The following RIMKLB variants were observed in gnomAD, a reference collection of about 807,000 sequenced individuals.
RIMKLB encodes the protein ribosomal modification protein rimK like family member B.
A neutral mutation model predicts 32.0 loss-of-function variants in RIMKLB; 7 were observed. The ratio of observed to expected loss-of-function variants is 0.22; its 90% CI spans 0.12 to 0.41. The LOEUF is 0.41. Ranked by LOEUF, RIMKLB falls within the 10% of genes least tolerant of loss-of-function variation. The pLI is 1.00. For synonymous variants in RIMKLB, 172 were observed against 185.1 expected, an observed-to-expected ratio of 0.93 and a Z score of 0.57; for missense variants, 289 against 498.7, an observed-to-expected ratio of 0.58 and a Z score of 4.00.
chr12:8,707,097 A>G (rs905009231), intron 1 of RIMKLB, among the ~76,000 whole-genome samples: 3 of 152,126 alleles, frequency 2.0e-5, no homozygotes, highest in Non-Finnish European at 4.4e-5. Flanking sequence ...AGCAACACCA[A>G]TCAACACAGA....
At chr12:8,758,252 A>G (rs780695537) in intron 5 of RIMKLB, among the ~76,000 whole-genome samples, 1 of 147,438 alleles carries the variant, frequency 6.8e-6, no homozygotes, top group Non-Finnish European at 1.5e-5. Context: ...TTTTGTATTG[A>G]TCTGCAGGCT....
At chr12:8,746,590 C>G (rs1262691032) in intron 2 of RIMKLB, among the ~76,000 whole-genome samples, 4 of 143,790 alleles carry the variant, frequency 2.8e-5, no homozygotes, top group Non-Finnish European at 1.5e-5. Context: ...AGAGTTGAGA[C>G]TCTGTCTCAA....
upstream of RIMKLB, among the ~76,000 whole-genome samples, chr12:8,694,510 C>T (rs1942831462): frequency 6.7e-6 from 1 of 148,440 alleles, no homozygotes; most frequent in South Asian, 2.1e-4. Flanking sequence ...TCTCCTGCTT[C>T]AGCCTCCCCA....
At chr12:8,767,689 A>G (rs766538786) in intron 5 of RIMKLB, among the ~76,000 whole-genome samples, 9 of 152,316 alleles carry the variant, frequency 5.9e-5, no homozygotes, top group Non-Finnish European at 1.2e-4. Flanking sequence ...TTCTGCTTCT[A>G]GTCGGCCCTC....
chr12:8,715,088 G>A (rs193124700), intron 2 of RIMKLB, among the ~76,000 whole-genome samples: 3 of 152,130 alleles, frequency 2.0e-5, no homozygotes, highest in East Asian at 1.9e-4. Flanking sequence ...ATCACACTAA[G>A]TATAATCTCT....
chr12:8,684,275 C>T (rs374479523), intron 1 of RIMKLB, among the ~76,000 whole-genome samples: 10 of 151,672 alleles, frequency 6.6e-5, no homozygotes, highest in East Asian at 1.9e-4. Context: ...CCGGTTCAAG[C>T]GATTCTCCTT....
intron 1 of RIMKLB, among the ~76,000 whole-genome samples, chr12:8,709,987 TTTTTG>T (rs968657268): frequency 6.6e-5 from 10 of 151,956 alleles, no homozygotes; most frequent in Middle Eastern, 3.2e-3. Context: ...AAAAATGTGG[TTTTTG>T]TTTTGTTTTG....
chr12:8,706,753 C>CT (rs1240809747), intron 1 of RIMKLB, among the ~76,000 whole-genome samples: 2 of 152,104 alleles, frequency 1.3e-5, no homozygotes, highest in African/African-American at 4.8e-5. Flanking sequence ...CATGCCTGTC[C>CT]TTTTTTTGTT....
chr12:8,756,153 C>CA (rs1233371130), intron 5 of RIMKLB, among the ~76,000 whole-genome samples: 25,782 of 114,056 alleles, frequency 0.23, 2,996 homozygotes, highest in Middle Eastern at 0.33. Flanking sequence ...GACTCTGCCT[C>CA]AAAAAAAAAA....
intron 2 of RIMKLB, among the ~76,000 whole-genome samples, chr12:8,727,137 G>GTA (rs1276613458): frequency 6.6e-6 from 1 of 152,188 alleles, no homozygotes; most frequent in Non-Finnish European, 1.5e-5. Flanking sequence ...ATATGTAACT[G>GTA]TATGTGTGTG....
Position 8,774,876 on chromosome 12 carries a change from GTGTA to G in RIMKLB, c.*1096_*1099del. 1.0e-6 allele frequency: 1 copy of G among 985,622 alleles called. No individual in the cohort carries two copies. Among genetic ancestry groups the G allele is most frequent in the Non-Finnish European group, 1.2e-6 (1 of 829,814 alleles). The allele number at this position is 985,622 out of a possible 1,614,324, so 61.1% of individuals were successfully genotyped here. On this transcript the variant is annotated 3_prime_UTR_variant, in exon 6 of 6. Transcript: ENST00000535829. ...TTTCACATTTTACGAGGGAGTATAT[GTGTA>G]TGTGTGTGCACGCATGCATGTGTAT...
chr12:8,715,228 C>CCTTTTTTTTTTTTTTTT (rs1445737752), intron 2 of RIMKLB, among the ~76,000 whole-genome samples: 6 of 123,756 alleles, frequency 4.8e-5, no homozygotes, highest in African/African-American at 2.0e-4. Flanking sequence ...TGCTCTTGTT[C>CCTTTTTTTTTTTTTTTT]TTTTTTTTTT....
At chr12:8,742,832 T>G (rs1399544107) in intron 2 of RIMKLB, 3 of 193,000 alleles carry the variant, frequency 1.6e-5, no homozygotes, top group Non-Finnish European at 3.2e-5. Context: ...CCACCAACCT[T>G]TCACAGAGAC....
chr12:8,746,373 C>T (rs1304475083), intron 2 of RIMKLB, among the ~76,000 whole-genome samples: 2 of 151,458 alleles, frequency 1.3e-5, no homozygotes, highest in African/African-American at 4.9e-5. Context: ...CTGAGGTGTG[C>T]AGATCACCTG....
chr12:8,750,458 C>T (rs1435141472), intron 3 of RIMKLB, among the ~76,000 whole-genome samples: 1 of 151,960 alleles, frequency 6.6e-6, no homozygotes, highest in Non-Finnish European at 1.5e-5. Flanking sequence ...CAAATTTGAC[C>T]CACAGGCCTT....
intron 5 of RIMKLB, among the ~76,000 whole-genome samples, chr12:8,767,859 G>T (rs1420371549): frequency 6.6e-6 from 1 of 152,210 alleles, no homozygotes; most frequent in African/African-American, 2.4e-5. Flanking sequence ...GCTGACAGGT[G>T]CCTGGTATTT....
intron 1 of RIMKLB, among the ~76,000 whole-genome samples, chr12:8,710,306 TC>T (rs1944266547): frequency 1.4e-5 from 2 of 144,980 alleles, no homozygotes; most frequent in Non-Finnish European, 3.0e-5. Flanking sequence ...TTTGTTTCCT[TC>T]TTTTTTTTTT....
chr12:8,676,294 G>A, the RIMKLB span, among the ~76,000 whole-genome samples: 4 of 149,334 alleles, frequency 2.7e-5, no homozygotes, highest in African/African-American at 9.9e-5. Context: ...GGCTGGTCTC[G>A]AGCTCCTGAG....
intron 2 of RIMKLB, among the ~76,000 whole-genome samples, chr12:8,746,124 A>G (rs1009612915): frequency 2.0e-5 from 3 of 151,800 alleles, no homozygotes; most frequent in Admixed American, 6.6e-5. Context: ...GTCATTACCA[A>G]CGTCTTTCCT....
Sources: gnomAD v4.1 joint callset for allele counts (sites outside exome capture counted in the v4.1 genomes callset) on GRCh38, gnomAD v4.1.1 for gene constraint, MANE v1.5 for transcripts, NCBI Gene and HGNC (gene_info 2026-07-23, HGNC 2026-07-21) for gene names.